Variants in CCDC3 observed in about 807,000 individuals in gnomAD.
CCDC3 encodes the protein coiled-coil domain-containing protein 3.
In CCDC3, 24 loss-of-function variants were observed where a neutral mutation model predicts 21.4. The observed-to-expected ratio is 1.12, with a 90% CI of 0.81 to 1.58. The LOEUF (loss-of-function observed/expected upper bound fraction) is 1.58. Ranked by LOEUF, CCDC3 falls within the 40% of genes most tolerant of loss-of-function variation. The pLI is 0.00. For synonymous variants in CCDC3, 186 were observed against 166.0 expected, an observed-to-expected ratio of 1.12 and a Z score of -0.93; for missense variants, 425 against 360.9, an observed-to-expected ratio of 1.18 and a Z score of -1.44.
At chr10:13,011,481 G>C (rs866671648) in intron 5 of CCDC3, among the ~76,000 whole-genome samples, 1 of 151,980 alleles carries the variant, frequency 6.6e-6, no homozygotes, top group Non-Finnish European at 1.5e-5. Flanking sequence ...AGCTAACCAG[G>C]GAGGTGAAAG....
chr10:12,992,088 A>C (rs1835690872), intron 2 of CCDC3, among the ~76,000 whole-genome samples: 1 of 152,082 alleles, frequency 6.6e-6, no homozygotes. Flanking sequence ...AAAGAAAGAA[A>C]AAACAAAAAC....
rs995515144 is a variant in CCDC3 at position 12,941,237 on chromosome 10, G to T, written c.550-42558C>A. 2.0e-5 allele frequency among the ~76,000 whole-genome samples: 3 copies of T among 152,178 alleles called. No homozygotes were observed. In the East Asian group the frequency reaches 5.8e-4, roughly 29 times the overall value. ...GCCATGACAGTTTAGAAATGCCAAG[G>T]CCACATCAGGAAGTTACTGTATATT... On this transcript the variant is annotated intron_variant, in intron 2 of 2. Coordinates refer to ENST00000378825, the MANE Select transcript of CCDC3 (RefSeq NM_031455.4).
rs555595508 is a variant in CCDC3, at chr10:13,099,638, C to T, written c.-939G>A. 6 of 152,192 alleles carry T rather than the reference C, an allele frequency of 3.9e-5. No individual in the cohort carries two copies. The South Asian group carries it at 6.2e-4, about 16-fold the overall frequency. 9.4% of individuals were successfully genotyped at this position (152,192 alleles called of 1,614,324 possible). On this transcript the variant is annotated 5_prime_UTR_variant, in exon 1 of 7. Coordinates refer to the CCDC3 transcript ENST00000378839. ...CAAGAAGCATCCTGCAGGCTTTCTG[C>T]TTTTTGAGTGTATTTTAAAGCAAAA...
In CCDC3 at chr10:12,978,815, G is replaced by C. The variant is rs576849044; in HGVS notation, c.549+19523C>G. On this transcript the variant is annotated intron_variant, in intron 2 of 2. Transcript: ENST00000378825. ...AACTAATTTAGAAAGGACCTAACAA[G>C]TTACTATCTGTACCATGTAAGAATG... is the stretch of plus-strand genomic sequence containing the variant. Among the ~76,000 whole-genome samples the C allele has an allele frequency of 3.9e-5, 6 of 152,260 alleles. 1 individual carries two copies. Among genetic ancestry groups the C allele is most frequent in the African/African-American group, 1.4e-4 (6 of 41,544 alleles).
intron 2 of CCDC3, among the ~76,000 whole-genome samples, chr10:12,909,339 A>C (rs145408473): frequency 6.6e-6 from 1 of 152,072 alleles, no homozygotes; most frequent in South Asian, 2.1e-4. Context: ...GCTGCAGGGG[A>C]GGAAGGGCAA....
At chr10:13,009,416 A>G (rs10906279) in intron 5 of CCDC3, among the ~76,000 whole-genome samples, 22,729 of 152,234 alleles carry the variant, frequency 0.15, 1,975 homozygotes, top group Admixed American at 0.23. Flanking sequence ...ATTGATAAGC[A>G]TAGTCAAAAT....
At chr10:12,912,227 AC>A (rs1443153529) in intron 2 of CCDC3, among the ~76,000 whole-genome samples, 1 of 152,224 alleles carries the variant, frequency 6.6e-6, no homozygotes, top group Admixed American at 6.5e-5. Context: ...TTCCATAATT[AC>A]TAATTTACAT....
chr10:12,916,467 G>T (rs1273933511), intron 2 of CCDC3, among the ~76,000 whole-genome samples: 1 of 151,280 alleles, frequency 6.6e-6, no homozygotes, highest in African/African-American at 2.4e-5. Flanking sequence ...GGGGCCACGG[G>T]TGCCAACCTG....
chr10:13,013,346 G>A (rs1377600800), intron 5 of CCDC3, among the ~76,000 whole-genome samples: 3 of 152,240 alleles, frequency 2.0e-5, no homozygotes, highest in African/African-American at 2.4e-5. Flanking sequence ...GAAAGGGAGT[G>A]CTGAAAGAAC....
At chr10:13,057,068 G>A (rs1836690361) in intron 4 of CCDC3, among the ~76,000 whole-genome samples, 1 of 152,078 alleles carries the variant, frequency 6.6e-6, no homozygotes, top group African/African-American at 2.4e-5. Context: ...GAGGCGGGAG[G>A]ATTGCTTGAG....
intron 2 of CCDC3, among the ~76,000 whole-genome samples, chr10:12,981,986 G>A (rs1358322531): frequency 6.6e-6 from 1 of 151,722 alleles, no homozygotes; most frequent in East Asian, 1.9e-4. Flanking sequence ...AGCTGGGCGT[G>A]GTGGCATGTG....
chr10:12,945,507 CCTAATATTTG>C (rs971901842), intron 2 of CCDC3, among the ~76,000 whole-genome samples: 5 of 151,860 alleles, frequency 3.3e-5, no homozygotes, highest in African/African-American at 1.2e-4. Flanking sequence ...TGATCAAATT[CCTAATATTTG>C]CTAATATTTG....
At chr10:12,928,869 C>G (rs1343376988) in intron 2 of CCDC3, among the ~76,000 whole-genome samples, 1 of 152,150 alleles carries the variant, frequency 6.6e-6, no homozygotes, top group African/African-American at 2.4e-5. Context: ...AGGTGTCTGT[C>G]CCTCTGACAC....
chr10:12,928,936 GT>G (rs1206018458), intron 2 of CCDC3, among the ~76,000 whole-genome samples: 1 of 152,268 alleles, frequency 6.6e-6, no homozygotes, highest in East Asian at 1.9e-4. Flanking sequence ...TCACCTGGAG[GT>G]AAGGGTCTGG....
At chr10:12,916,952 C>T (rs758748312) in intron 2 of CCDC3, among the ~76,000 whole-genome samples, 2 of 152,084 alleles carry the variant, frequency 1.3e-5, no homozygotes, top group East Asian at 1.9e-4. Context: ...TTGGGCAGGT[C>T]GGGTGCCAGA....
intron 3 of CCDC3, among the ~76,000 whole-genome samples, chr10:13,079,147 T>G (rs536113729): frequency 6.6e-6 from 1 of 152,374 alleles, no homozygotes; most frequent in African/African-American, 2.4e-5. Flanking sequence ...TGATTTTTCC[T>G]TATGGTACCA....
chr10:13,084,655 C>A (rs547307273), intron 3 of CCDC3, among the ~76,000 whole-genome samples: 2 of 152,272 alleles, frequency 1.3e-5, no homozygotes, highest in Non-Finnish European at 2.9e-5. Flanking sequence ...CTTTCTTGCA[C>A]GAGATCCAAT....
At chr10:13,086,656 C>T (rs1837110999) in intron 3 of CCDC3, among the ~76,000 whole-genome samples, 1 of 152,130 alleles carries the variant, frequency 6.6e-6, no homozygotes. Context: ...CCGTGTTAGC[C>T]AGGATGGTCT....
chr10:13,034,542 T>G (rs1318917662), intron 5 of CCDC3, among the ~76,000 whole-genome samples: 4 of 132,292 alleles, frequency 3.0e-5, no homozygotes, highest in African/African-American at 8.4e-5. Context: ...AAAAAAAAAA[T>G]GGGTACATTT....
Sources: allele counts gnomAD v4.1 joint callset (sites outside exome capture counted in the v4.1 genomes callset), GRCh38; gene constraint gnomAD v4.1.1; transcripts MANE v1.5; gene names NCBI Gene and HGNC (gene_info 2026-07-23, HGNC 2026-07-21).